Variants in MACROD2 observed in about 807,000 individuals in gnomAD.
The protein encoded by MACROD2 is ADP-ribose glycohydrolase MACROD2.
MACROD2 carries 36 observed loss-of-function variants against 70.4 expected under a neutral mutation model. The observed-to-expected ratio is 0.51, with a 90% CI of 0.39 to 0.68. MACROD2 has a LOEUF of 0.68. Among genes scored for constraint, MACROD2 ranks in the 30% least tolerant of loss-of-function variants. MACROD2 has a pLI of 0.00. For synonymous variants in MACROD2, 172 were observed against 178.8 expected (o/e 0.96, Z 0.30); for missense variants, 496 against 538.4 (o/e 0.92, Z 0.78).
chr20:14,939,804 G>A (rs2122703569), intron 5 of MACROD2, among the ~76,000 whole-genome samples: 1 of 151,604 alleles, frequency 6.6e-6, no homozygotes, highest in East Asian at 1.9e-4. Context: ...AGTTTTCTTT[G>A]TATAGATCTT....
chr20:15,766,255 G>C (rs6043527), intron 8 of MACROD2, among the ~76,000 whole-genome samples: 2 of 152,072 alleles, frequency 1.3e-5, no homozygotes, highest in Admixed American at 6.5e-5. Context: ...ATCATTTAAT[G>C]CTTAGTACTT....
At chr20:15,269,242 A>G (rs992281398) in intron 6 of MACROD2, among the ~76,000 whole-genome samples, 3 of 152,212 alleles carry the variant, frequency 2.0e-5, no homozygotes, top group Admixed American at 1.3e-4. Flanking sequence ...CCTCATGCAG[A>G]TGATATGGTT....
chr20:15,593,044 A>G (rs2048699402), intron 8 of MACROD2, among the ~76,000 whole-genome samples: 1 of 152,202 alleles, frequency 6.6e-6, no homozygotes, highest in African/African-American at 2.4e-5. Flanking sequence ...GAGACACACA[A>G]GCACACACAA....
intron 8 of MACROD2, among the ~76,000 whole-genome samples, chr20:15,816,441 T>C (rs2063876251): frequency 6.6e-6 from 1 of 152,084 alleles, no homozygotes; most frequent in Non-Finnish European, 1.5e-5. Context: ...ATACATGGCA[T>C]AGTCTTCGAA....
At chr20:15,665,345 C>T (rs781195428) in intron 8 of MACROD2, among the ~76,000 whole-genome samples, 4 of 152,106 alleles carry the variant, frequency 2.6e-5, no homozygotes, top group South Asian at 2.1e-4. Context: ...CCTTGGTTGA[C>T]GTGCGTGGAT....
intron 5 of MACROD2, among the ~76,000 whole-genome samples, chr20:14,923,306 A>C (rs1253177321): frequency 6.6e-6 from 1 of 152,158 alleles, no homozygotes; most frequent in Non-Finnish European, 1.5e-5. Flanking sequence ...ATACTGATCA[A>C]TTACAAATTT....
At chr20:15,021,121 C>CGTGT (rs1555774651) in intron 5 of MACROD2, among the ~76,000 whole-genome samples, 1 of 102,140 alleles carries the variant, frequency 9.8e-6, no homozygotes, top group African/African-American at 4.3e-5. Context: ...TGTGTATACA[C>CGTGT]GTGTGTATAC....
At chr20:14,156,038 C>G (rs538674761) in intron 3 of MACROD2, among the ~76,000 whole-genome samples, 5 of 151,964 alleles carry the variant, frequency 3.3e-5, no homozygotes, top group Admixed American at 1.3e-4. Context: ...GGTACATGCT[C>G]GTAGTCCCAA....
intron 6 of MACROD2, among the ~76,000 whole-genome samples, chr20:15,264,266 G>A (rs993731507): frequency 2.5e-4 from 38 of 152,112 alleles, no homozygotes; most frequent in Admixed American, 5.2e-4. Context: ...CCAGAATGTG[G>A]ACTGTTTTCA....
chr20:14,377,027 A>T (rs1488378904), intron 3 of MACROD2, among the ~76,000 whole-genome samples: 6 of 152,126 alleles, frequency 3.9e-5, no homozygotes, highest in Admixed American at 3.3e-4. Context: ...GTAAACAATA[A>T]TAAATATCAC....
intron 3 of MACROD2, among the ~76,000 whole-genome samples, chr20:14,423,417 C>T (rs2083896841): frequency 1.3e-5 from 2 of 151,092 alleles, no homozygotes; most frequent in African/African-American, 2.4e-5. Context: ...GAACTTGATG[C>T]GGCCTGGAGC....
chr20:14,552,705 G>A (rs1024975951), intron 4 of MACROD2, among the ~76,000 whole-genome samples: 10 of 152,072 alleles, frequency 6.6e-5, no homozygotes, highest in African/African-American at 2.2e-4. Flanking sequence ...GCATGTTACT[G>A]TAGTGAATAC....
At chr20:14,727,587 C>T (rs2071545294) in intron 5 of MACROD2, among the ~76,000 whole-genome samples, 1 of 152,148 alleles carries the variant, frequency 6.6e-6, no homozygotes. Flanking sequence ...TACTTTATCA[C>T]TCCCCAAATG....
chr20:14,277,873 G>C (rs2082273036), intron 3 of MACROD2, among the ~76,000 whole-genome samples: 1 of 152,196 alleles, frequency 6.6e-6, no homozygotes, highest in African/African-American at 2.4e-5. Context: ...AAAGCAGAGT[G>C]CTGAAAGGAT....
intron 4 of MACROD2, among the ~76,000 whole-genome samples, chr20:14,645,014 A>G (rs527974720): frequency 6.6e-6 from 1 of 152,166 alleles, no homozygotes; most frequent in East Asian, 1.9e-4. Context: ...AAGATCAAAC[A>G]TATTATTTGC....
At chr20:14,304,125 T>C (rs751812342) in intron 3 of MACROD2, among the ~76,000 whole-genome samples, 6 of 152,216 alleles carry the variant, frequency 3.9e-5, no homozygotes, top group Non-Finnish European at 8.8e-5. Flanking sequence ...CAAACTTTCA[T>C]GTCATCATAC....
At chr20:15,650,728 T>A (rs1438374351) in intron 8 of MACROD2, among the ~76,000 whole-genome samples, 1 of 151,464 alleles carries the variant, frequency 6.6e-6, no homozygotes, top group South Asian at 2.1e-4. Flanking sequence ...GATAGCACAA[T>A]TTTTTTTTGT....
intron 6 of MACROD2, among the ~76,000 whole-genome samples, chr20:15,419,306 G>A (rs992446701): frequency 2.0e-5 from 3 of 152,306 alleles, no homozygotes; most frequent in East Asian, 1.9e-4. Context: ...CCCCTGGGGA[G>A]CATTTGATTC....
intron 5 of MACROD2, among the ~76,000 whole-genome samples, chr20:14,951,389 C>A (rs529357159): frequency 3.0e-4 from 45 of 152,194 alleles, no homozygotes; most frequent in South Asian, 1.5e-3. Context: ...GACTAGATCC[C>A]ATCTCAAGCA....
Sources: allele counts gnomAD v4.1 joint callset (sites outside exome capture counted in the v4.1 genomes callset), GRCh38; gene constraint gnomAD v4.1.1; transcripts MANE v1.5; gene names NCBI Gene and HGNC (gene_info 2026-07-23, HGNC 2026-07-21).